KIAA1217: variants seen among roughly 807,000 people sequenced by gnomAD.
KIAA1217 encodes the protein KIAA1217.
KIAA1217 carries 88 observed loss-of-function variants against 163.9 expected under a neutral mutation model. The observed-to-expected ratio is 0.54, with a 90% confidence interval of 0.45 to 0.64. The LOEUF (loss-of-function observed/expected upper bound fraction) is 0.64. KIAA1217 is among the 30% of genes least tolerant of loss of function. The pLI, the probability that KIAA1217 is intolerant of heterozygous loss-of-function variation, is 0.00. For missense variants in KIAA1217, 2,372 were observed against 2,475.0 expected (o/e 0.96, Z 0.88); for synonymous variants, 903 against 923.1 (o/e 0.98, Z 0.39).
At chr10:24,036,470 G>A (rs1185830121) in intron 2 of KIAA1217, among the ~76,000 whole-genome samples, 1 of 152,130 alleles carries the variant, frequency 6.6e-6, no homozygotes, top group Non-Finnish European at 1.5e-5. Flanking sequence ...TTTGGAACAG[G>A]GTATTTGTCC....
At chr10:24,209,448 T>TATC (rs2067795190) in intron 1 of KIAA1217, among the ~76,000 whole-genome samples, 185 bp downstream of exon 1, 1 of 152,150 alleles carries the variant, frequency 6.6e-6, no homozygotes, top group Non-Finnish European at 1.5e-5. Flanking sequence ...GGCTTGACTT[T>TATC]ATCTCTGGCA....
chr10:24,267,323 C>A (rs1292813490), intron 2 of KIAA1217, among the ~76,000 whole-genome samples: 1 of 152,074 alleles, frequency 6.6e-6, no homozygotes, highest in Non-Finnish European at 1.5e-5. Context: ...ATACATAAAA[C>A]AAATGGAATA....
At chr10:24,331,771 C>T (rs2045704141) in intron 2 of KIAA1217, among the ~76,000 whole-genome samples, 1 of 152,154 alleles carries the variant, frequency 6.6e-6, no homozygotes, top group South Asian at 2.1e-4. Flanking sequence ...AGGGAAATGT[C>T]GTTTCTATTA....
chr10:24,325,955 G>A (rs1033196224), intron 2 of KIAA1217, among the ~76,000 whole-genome samples: 1 of 152,098 alleles, frequency 6.6e-6, no homozygotes, highest in Non-Finnish European at 1.5e-5. Context: ...TATTTATAAT[G>A]CTGTGAGTAA....
At chr10:24,528,256 A>C in intron 14 of KIAA1217, 137 bp downstream of exon 14, 1 of 668,810 alleles carries the variant, frequency 1.5e-6, no homozygotes, top group Non-Finnish European at 2.5e-6. Context: ...TAAAACCTGG[A>C]AGAGCAAATC....
intron 2 of KIAA1217, among the ~76,000 whole-genome samples, chr10:24,181,210 G>A (rs2066155088): frequency 6.6e-6 from 1 of 152,234 alleles, no homozygotes; most frequent in South Asian, 2.1e-4. Flanking sequence ...AAGGTGAGAT[G>A]TAAAGACCTG....
intron 1 of KIAA1217, among the ~76,000 whole-genome samples, chr10:23,975,126 C>A (rs1483132676): frequency 1.3e-5 from 2 of 152,280 alleles, no homozygotes; most frequent in Admixed American, 1.3e-4. Flanking sequence ...AATGTCCCTA[C>A]TTTTTACATG....
chr10:24,402,531 A>C lies in KIAA1217; in HGVS notation c.553+21464A>C, dbSNP rs1030123963. Among the ~76,000 whole-genome samples, 36 of 149,028 alleles carry C rather than the reference A, an allele frequency of 2.4e-4. 1 individual carries two copies. The highest frequency in any genetic ancestry group is 3.5e-3 in the Middle Eastern group (1 of 288). On this transcript the variant is annotated intron_variant, in intron 3 of 20. Transcript: ENST00000376454. ...CTCAAAAAAACAAAAAACAAAACAAAAAAAAAAAAAAGGCAAAGGAGTTTG... is the reference window on the plus strand; with the variant it reads ...CTCAAAAAAACAAAAAACAAAACAACAAAAAAAAAAAGGCAAAGGAGTTTG...
intron 2 of KIAA1217, among the ~76,000 whole-genome samples, chr10:24,130,158 T>G (rs562230762): frequency 1.2e-4 from 18 of 152,230 alleles, no homozygotes; most frequent in African/African-American, 4.1e-4. Context: ...GATTGGGCTA[T>G]TGGGTTATTA....
chr10:24,133,044 G>T (rs1485974136), intron 2 of KIAA1217, among the ~76,000 whole-genome samples: 1 of 151,628 alleles, frequency 6.6e-6, no homozygotes, highest in Admixed American at 6.6e-5. Flanking sequence ...AGAAGAATGA[G>T]GATGCATCTA....
chr10:23,746,636 G>A (rs1455652418), intron 1 of KIAA1217, among the ~76,000 whole-genome samples: 1 of 151,952 alleles, frequency 6.6e-6, no homozygotes, highest in African/African-American at 2.4e-5. Flanking sequence ...TGTTAGCCAG[G>A]ATGGTCCCGA....
At chr10:23,721,234 C>T (rs1837860267) in intron 1 of KIAA1217, among the ~76,000 whole-genome samples, 1 of 152,154 alleles carries the variant, frequency 6.6e-6, no homozygotes, top group South Asian at 2.1e-4. Context: ...CAGTGAGAAT[C>T]CACTCCTTCA....
rs552231785 is a variant in KIAA1217, at chr10:24,168,341, A to C, written c.-170-51285A>C. Among the ~76,000 whole-genome samples, 17 of 152,270 alleles carry C rather than the reference A, an allele frequency of 1.1e-4. No homozygotes were observed. In the East Asian group the frequency reaches 3.1e-3, roughly 28 times the overall value. The stretch of plus-strand genomic sequence containing the variant: ...AGACAAGAAAAACTGAGGCTCCATG[A>C]AAGTAGTAACTTGTCTAAGCATGCA... On this transcript the variant is annotated intron_variant, in intron 2 of 18. Coordinates refer to the KIAA1217 transcript ENST00000376462.
At chr10:24,382,302 T>C (rs1254690802) in intron 3 of KIAA1217, among the ~76,000 whole-genome samples, 1 of 152,058 alleles carries the variant, frequency 6.6e-6, no homozygotes, top group Non-Finnish European at 1.5e-5. Context: ...CATGTAAAAC[T>C]GAGCAAATGC....
At chr10:24,331,011 A>C (rs1329346566) in intron 2 of KIAA1217, among the ~76,000 whole-genome samples, 2 of 151,716 alleles carry the variant, frequency 1.3e-5, no homozygotes, top group South Asian at 2.1e-4. Context: ...TGGCATGATC[A>C]CAGCTCACTG....
At chr10:23,967,899 A>ATGTGTGTG (rs58562978) in intron 1 of KIAA1217, among the ~76,000 whole-genome samples, 4,231 of 143,892 alleles carry the variant, frequency 0.029, 77 homozygotes, top group African/African-American at 0.045. Flanking sequence ...AATATATTAA[A>ATGTGTGTG]TGTGTGTGTG....
intron 1 of KIAA1217, among the ~76,000 whole-genome samples, chr10:23,845,290 T>C (rs565770262): frequency 6.6e-6 from 1 of 152,324 alleles, no homozygotes; most frequent in African/African-American, 2.4e-5. Flanking sequence ...TTTCTAGTTC[T>C]AGATCCTTGA....
At chr10:23,826,251 T>C (rs938123801) in intron 1 of KIAA1217, among the ~76,000 whole-genome samples, 1 of 152,254 alleles carries the variant, frequency 6.6e-6, no homozygotes, top group Non-Finnish European at 1.5e-5. Context: ...AAATGCTTTT[T>C]AAAAAGATTA....
chr10:24,236,881 G>T (rs2072350120), intron 2 of KIAA1217, among the ~76,000 whole-genome samples: 1 of 151,696 alleles, frequency 6.6e-6, no homozygotes, highest in East Asian at 1.9e-4. Context: ...CAAACTCCTG[G>T]GCTCAAAAGA....
Sources: gnomAD v4.1 joint callset for allele counts (sites outside exome capture counted in the v4.1 genomes callset) on GRCh38, gnomAD v4.1.1 for gene constraint, MANE v1.5 for transcripts, NCBI Gene and HGNC (gene_info 2026-07-23, HGNC 2026-07-21) for gene names.